The following NR5A2 variants were observed in gnomAD, a reference collection of about 807,000 sequenced individuals.
NR5A2 encodes the protein CYP7A promoter-binding factor.
In NR5A2, 26 loss-of-function variants were observed where a neutral mutation model predicts 62.7. The ratio of observed to expected loss-of-function variants is 0.41; its 90% confidence interval spans 0.30 to 0.58. The LOEUF (loss-of-function observed/expected upper bound fraction) is 0.58. NR5A2 is among the 20% of genes least tolerant of loss of function. The probability of loss-of-function intolerance (pLI) is 0.22; values close to 1 mark genes in which losing one functional copy is unlikely to be tolerated. For synonymous variants in NR5A2, 246 were observed against 241.7 expected, an observed-to-expected ratio of 1.02 and a Z score of -0.16; for missense variants, 541 against 669.1, an observed-to-expected ratio of 0.81 and a Z score of 2.11.
At chr1:200,145,953 T>C (rs1243191754) in intron 7 of NR5A2, among the ~76,000 whole-genome samples, 1 of 152,182 alleles carries the variant, frequency 6.6e-6, no homozygotes, top group Non-Finnish European at 1.5e-5. Context: ...GAATATAAGC[T>C]TTACTAAAGA....
intron 7 of NR5A2, among the ~76,000 whole-genome samples, chr1:200,149,017 A>G (rs950165357): frequency 6.6e-6 from 1 of 151,798 alleles, no homozygotes; most frequent in African/African-American, 2.4e-5. Context: ...GGTTCAAACA[A>G]TTCTCCTGCC....
intron 5 of NR5A2, among the ~76,000 whole-genome samples, chr1:200,090,200 A>G (rs1219547471): frequency 4.6e-5 from 7 of 152,212 alleles, no homozygotes; most frequent in African/African-American, 1.2e-4. Context: ...TGGTAGTTAC[A>G]CCACAAAATT....
intron 5 of NR5A2, among the ~76,000 whole-genome samples, chr1:200,068,718 A>G (rs1261428009): frequency 1.3e-5 from 2 of 152,198 alleles, no homozygotes; most frequent in African/African-American, 4.8e-5. Flanking sequence ...TGTGCAAGTA[A>G]AGGCTGCTGA....
In NR5A2 at chr1:200,074,736, C is replaced by CAAAAAAAAAA. The variant is rs199556915; in HGVS notation, c.1110+25929_1110+25938dup. 2.3e-3 allele frequency among the ~76,000 whole-genome samples: 154 copies of CAAAAAAAAAA among 67,492 alleles called. 3 individuals are homozygous for CAAAAAAAAAA. The highest frequency in any genetic ancestry group is 8.7e-3 in the East Asian group (13 of 1,498). 44.3% of individuals were successfully genotyped at this position (67,492 alleles called of 152,430 possible). On this transcript the variant is annotated intron_variant, in intron 5 of 7. Coordinates refer to ENST00000367362, the MANE Select transcript of NR5A2 (RefSeq NM_205860.3). ...TGGGCGACAGGGCGAGAGTCCATCTCAAAAAAAAAAAAAAAAAAAACACGA... is the reference window on the plus strand; with the variant it reads ...TGGGCGACAGGGCGAGAGTCCATCTCAAAAAAAAAAAAAAAAAAAAAAAAAAAAAACACGA...
chr1:200,074,520 A>C (rs1663914663), intron 5 of NR5A2, among the ~76,000 whole-genome samples: 1 of 151,760 alleles, frequency 6.6e-6, no homozygotes, highest in Admixed American at 6.6e-5. Flanking sequence ...GGCAGATCAC[A>C]AGGTCAGGAG....
At chr1:200,038,198 C>T (rs1291886186) in intron 1 of NR5A2, among the ~76,000 whole-genome samples, 1 of 152,188 alleles carries the variant, frequency 6.6e-6, no homozygotes, top group African/African-American at 2.4e-5. Context: ...TTTTTAAATG[C>T]TGGGCCTCGG....
intron 7 of NR5A2, among the ~76,000 whole-genome samples, chr1:200,148,906 C>CTTTTT (rs573219003): frequency 1.6e-5 from 2 of 125,262 alleles, no homozygotes; most frequent in South Asian, 2.6e-4. Context: ...GCATGCGGTA[C>CTTTTT]TTTTTTTTTT....
At chr1:200,111,405 C>A (rs1295005415) in intron 6 of NR5A2, 84 bp downstream of exon 6, 1 of 1,447,270 alleles carries the variant, frequency 6.9e-7, no homozygotes, top group Non-Finnish European at 9.2e-7. Flanking sequence ...AGGTCAGAAG[C>A]ACTCTTGTGC....
chr1:200,032,419 G>A (rs12030331), intron 1 of NR5A2, among the ~76,000 whole-genome samples: 41,691 of 152,094 alleles, frequency 0.27, 7,076 homozygotes, highest in East Asian at 0.71. Flanking sequence ...AGTAAGAAAA[G>A]ATATTTGGAG....
chr1:200,143,677 C>G lies in NR5A2; in HGVS notation c.1378+22722C>G, dbSNP rs184808672. 1.7e-3 allele frequency among the ~76,000 whole-genome samples: 228 copies of G among 136,628 alleles called. 1 individual carries two copies. The highest frequency in any genetic ancestry group is 2.7e-3 in the Non-Finnish European group (180 of 65,604). 89.6% of individuals were successfully genotyped at this position (136,628 alleles called of 152,430 possible). A position where few individuals can be genotyped will look rare whatever the true frequency, so the allele number is the denominator to read the frequency against. ...TTTTTTTTTGAGATGGAGTCTCACTCTGTTGCCCAGGCTGGAGTGCAGTGG... is the reference window on the plus strand; with the variant it reads ...TTTTTTTTTGAGATGGAGTCTCACTGTGTTGCCCAGGCTGGAGTGCAGTGG... On this transcript the variant is annotated intron_variant, in intron 7 of 7. Coordinates refer to ENST00000367362, the MANE Select transcript of NR5A2 (RefSeq NM_205860.3).
At chr1:200,128,255 G>A (rs1219293983) in intron 7 of NR5A2, among the ~76,000 whole-genome samples, 1 of 152,136 alleles carries the variant, frequency 6.6e-6, no homozygotes, top group Non-Finnish European at 1.5e-5. Context: ...TCTGTGTTTG[G>A]CTGAGAAAAG....
intron 6 of NR5A2, among the ~76,000 whole-genome samples, chr1:200,118,024 T>TC (rs1344181979): frequency 7.2e-6 from 1 of 139,324 alleles, no homozygotes; most frequent in Non-Finnish European, 1.6e-5. Context: ...TTTTTCTTTT[T>TC]TTTTTTTTTT....
intron 7 of NR5A2, among the ~76,000 whole-genome samples, chr1:200,134,385 A>C (rs1667123699): frequency 6.6e-6 from 1 of 152,122 alleles, no homozygotes. Flanking sequence ...TTTTTATCTC[A>C]TAGACTGTAT....
At chr1:200,151,450 G>A (rs936712274) in intron 7 of NR5A2, among the ~76,000 whole-genome samples, 2 of 152,130 alleles carry the variant, frequency 1.3e-5, no homozygotes, top group East Asian at 1.9e-4. Context: ...AATCAATAGC[G>A]AGCTTTCATT....
At chr1:200,034,002 T>C (rs1661645022) in intron 1 of NR5A2, among the ~76,000 whole-genome samples, 1 of 152,214 alleles carries the variant, frequency 6.6e-6, no homozygotes, top group African/African-American at 2.4e-5. Flanking sequence ...ATCCCCTCGC[T>C]GCAAAAGCCG....
chr1:200,051,629 C>G (rs1457924688), intron 5 of NR5A2, among the ~76,000 whole-genome samples: 2 of 152,118 alleles, frequency 1.3e-5, no homozygotes, highest in African/African-American at 4.8e-5. Context: ...CACAGTTTGC[C>G]TTGGGCTTAC....
rs535773784 is a variant in NR5A2 at position 200,155,736 on chromosome 1, C to T, written c.1379-18227C>T. Among the ~76,000 whole-genome samples the T allele has an allele frequency of 7.9e-5, 12 of 151,014 alleles. 1 individual carries two copies. In the South Asian group the frequency reaches 1.9e-3, roughly 24 times the overall value. Reference sequence around the variant, plus strand: ...TCACCCAGGCTGGAGTGCAATGGTGCGATCTTGGCTCACTGCAACCTCCAC... The same window carrying T: ...TCACCCAGGCTGGAGTGCAATGGTGTGATCTTGGCTCACTGCAACCTCCAC... On this transcript the variant is annotated intron_variant, in intron 7 of 7. Coordinates refer to ENST00000367362, the MANE Select transcript of NR5A2 (RefSeq NM_205860.3).
Position 200,147,879 on chromosome 1 carries a change from G to A in NR5A2, c.1379-26084G>A, listed in dbSNP as rs1235717276. 6 of 412,776 alleles carry A rather than the reference G, an allele frequency of 1.5e-5. No homozygotes were observed. In the Admixed American group the frequency reaches 2.2e-4, roughly 15 times the overall value. The allele number at this position is 412,776 out of a possible 1,614,324, so 25.6% of individuals were successfully genotyped here. A position where few individuals can be genotyped will look rare whatever the true frequency, so the allele number is the denominator to read the frequency against. On this transcript the variant is annotated intron_variant, in intron 7 of 7. Transcript: ENST00000367362. This position sits in a 1 kb window ranked among gnomAD's most constrained non-coding sequence, Gnocchi z 4.9. ...CCTGCTTGTAGGCGCAGTCCCCGGA[G>A]CGGTGGCCGGCGCGCGGGGAGAAGC...
chr1:200,032,466 GA>G (rs1661583175), intron 1 of NR5A2, among the ~76,000 whole-genome samples: 1 of 152,182 alleles, frequency 6.6e-6, no homozygotes, highest in African/African-American at 2.4e-5. Context: ...GAATGCAGAT[GA>G]CCATGAGCAC....
Sources: gnomAD v4.1 joint callset for allele counts (sites outside exome capture counted in the v4.1 genomes callset) on GRCh38, gnomAD v4.1.1 for gene constraint, Gnocchi (gnomAD v3.1) non-coding constraint, MANE v1.5 for transcripts, NCBI Gene and HGNC (gene_info 2026-07-23, HGNC 2026-07-21) for gene names.